The following ZC3H12D variants were observed in gnomAD, a reference collection of about 807,000 sequenced individuals.
ZC3H12D encodes the protein probable ribonuclease ZC3H12D.
ZC3H12D carries 11 observed loss-of-function variants against 24.2 expected under a neutral mutation model. That is an observed-to-expected ratio of 0.46 (90% CI 0.29 to 0.75). The LOEUF (loss-of-function observed/expected upper bound fraction) is 0.75, where lower values mean the gene tolerates loss of function less well. ZC3H12D is among the 30% of genes least tolerant of loss of function. The probability of loss-of-function intolerance (pLI) is 0.11; values close to 1 mark genes in which losing one functional copy is unlikely to be tolerated. For synonymous variants in ZC3H12D, 333 were observed against 341.8 expected (o/e 0.97, Z 0.28); for missense variants, 740 against 767.7 (o/e 0.96, Z 0.43).
intron 1 of ZC3H12D, among the ~76,000 whole-genome samples, chr6:149,481,654 C>T (rs930422366): frequency 3.3e-5 from 5 of 149,648 alleles, no homozygotes; most frequent in Admixed American, 6.6e-5. Context: ...GGATTACAGA[C>T]GTGAGCCATG....
In ZC3H12D at chr6:149,449,102, C is replaced by G. The variant is rs1331192116; in HGVS notation, c.*1581G>C. ...GCCCCTGAGGATTCGGGGGTCGGCA[C>G]TCTGGCAGCACCATCTCACTTCTTA... is the stretch of plus-strand genomic sequence containing the variant. On this transcript the variant is annotated 3_prime_UTR_variant, in exon 6 of 6. Coordinates refer to ENST00000409806, the MANE Select transcript of ZC3H12D (RefSeq NM_207360.3). 6.6e-6 allele frequency: 1 copy of G among 152,230 alleles called. No homozygotes were observed. Among genetic ancestry groups the G allele is most frequent in the African/African-American group, 2.4e-5 (1 of 41,456 alleles). The allele number at this position is 152,230 out of a possible 1,614,324, so 9.4% of individuals were successfully genotyped here.
chr6:149,483,500 A>T (rs924480445), intron 1 of ZC3H12D, among the ~76,000 whole-genome samples: 3 of 152,130 alleles, frequency 2.0e-5, no homozygotes, highest in Non-Finnish European at 2.9e-5. Flanking sequence ...CCATTTCCCC[A>T]GTCCCTGGCA....
intron 2 of ZC3H12D, among the ~76,000 whole-genome samples, chr6:149,465,005 C>T (rs917571724): frequency 6.6e-6 from 1 of 152,196 alleles, no homozygotes; most frequent in African/African-American, 2.4e-5. Flanking sequence ...GCTGTGCTCT[C>T]TCTCGTATGT....
At chr6:149,482,340 C>T (rs1010028069) in intron 1 of ZC3H12D, among the ~76,000 whole-genome samples, 2 of 152,260 alleles carry the variant, frequency 1.3e-5, no homozygotes, top group Non-Finnish European at 2.9e-5. Flanking sequence ...CTCTGCCAGC[C>T]GCGTCTCGTT....
rs1306672631 is a variant in ZC3H12D at position 149,456,782 on chromosome 6, G to A, written c.564C>T (p.Tyr188=). ...YDDRYIVKVA[Y]EQDGVIVSND... Reference sequence around the variant, plus strand: ...TGGAGACGATGACGCCGTCCTGCTCGTAGGCCACCTTCACGATGTAGCGGT... The same window carrying A: ...TGGAGACGATGACGCCGTCCTGCTCATAGGCCACCTTCACGATGTAGCGGT... The change falls in exon 4 of 6, where the codon TAC becomes TAT. Residue 188 remains tyrosine (Y), a synonymous_variant. Transcript: ENST00000409806. This position sits in a 1 kb window ranked among gnomAD's most constrained non-coding sequence, Gnocchi z 4.3. 1.9e-6 allele frequency: 3 copies of A among 1,613,686 alleles called. No homozygotes were observed. The highest frequency in any genetic ancestry group is 1.7e-5 in the Admixed American group (1 of 60,028).
intron 2 of ZC3H12D, among the ~76,000 whole-genome samples, chr6:149,463,515 C>A (rs187310385): frequency 6.6e-6 from 1 of 152,152 alleles, no homozygotes; most frequent in Non-Finnish European, 1.5e-5. Context: ...TCAAGACCAT[C>A]CTGGCCAACA....
At chr6:149,457,822 C>G (rs1776008215) in intron 3 of ZC3H12D, among the ~76,000 whole-genome samples, 2 of 152,142 alleles carry the variant, frequency 1.3e-5, no homozygotes, top group African/African-American at 4.8e-5. Context: ...ACTCAGGTCC[C>G]TCAAGTTTAA....
chr6:149,476,943 T>C (rs751627948), intron 1 of ZC3H12D, among the ~76,000 whole-genome samples: 7 of 152,244 alleles, frequency 4.6e-5, no homozygotes, highest in Admixed American at 1.3e-4. Flanking sequence ...CATGTGTTGA[T>C]TGGTGAATGA....
At chr6:149,471,903 T>TGCA (rs1249995621) in intron 2 of ZC3H12D, among the ~76,000 whole-genome samples, 2 of 152,194 alleles carry the variant, frequency 1.3e-5, no homozygotes, top group Non-Finnish European at 2.9e-5. Flanking sequence ...GGCCAGACAG[T>TGCA]GCATGAAGCA....
rs1775890437 is a variant in ZC3H12D, at chr6:149,451,307, C to T, written c.960G>A (p.Ala320=). ...TGTGCGCAAATGGTTCCCGGGGGGC[C>T]GCCCGGGCTCCTGCGGAGCCGCCCG... is the stretch of plus-strand genomic sequence containing the variant. The part of the protein sequence containing the change: ...RAPGGSAGAR[A]APREPFAHSL... The change falls in exon 6 of 6, where the codon GCG becomes GCA. Residue 320 remains alanine, a synonymous_variant. Transcript: ENST00000409806. The T allele has an allele frequency of 3.0e-6, 4 of 1,327,176 alleles. No individual in the cohort carries two copies. Among genetic ancestry groups the T allele is most frequent in the Non-Finnish European group, 3.8e-6 (4 of 1,048,464 alleles). The allele number at this position is 1,327,176 out of a possible 1,614,324, so 82.2% of individuals were successfully genotyped here. A position where few individuals can be genotyped will look rare whatever the true frequency, so the allele number is the denominator to read the frequency against.
rs760405695 is a variant in ZC3H12D at position 149,448,307 on chromosome 6, A to T, written c.*2376T>A. On this transcript the variant is annotated 3_prime_UTR_variant, in exon 6 of 6. Coordinates refer to ENST00000409806, the MANE Select transcript of ZC3H12D (RefSeq NM_207360.3). ...ACTCCGTTTCAAAAATAATAATAAT[A>T]AAAATTAAAATAAAAAAAATAAAGG... is the stretch of plus-strand genomic sequence containing the variant. The T allele has an allele frequency of 6.6e-6, 1 of 150,960 alleles. No individual in the cohort carries two copies. The highest frequency in any genetic ancestry group is 2.1e-4 in the South Asian group (1 of 4,772). The allele number at this position is 150,960 out of a possible 1,614,324, so 9.4% of individuals were successfully genotyped here. A position where few individuals can be genotyped will look rare whatever the true frequency, so the allele number is the denominator to read the frequency against.
chr6:149,474,419 C>T lies in ZC3H12D; in HGVS notation c.125G>A (p.Arg42His), dbSNP rs748158176. The T allele has an allele frequency of 7.5e-6, 12 of 1,607,774 alleles. No individual in the cohort carries two copies. Among genetic ancestry groups the T allele is most frequent in the African/African-American group, 2.7e-5 (2 of 74,802 alleles). Residue 42 changes from arginine (R) to histidine (H), a missense_variant, in exon 2 of 6, where the codon CGC (arginine) becomes CAC (histidine). Arg to His is a conservative substitution (Grantham distance 29). Coordinates refer to ENST00000409806, the MANE Select transcript of ZC3H12D (RefSeq NM_207360.3). ...LVNDVLQELI[R>H]TGSRPGALEH... ...CAGGGCACCCGGGCGGCTGCCCGTG[C>T]GGATAAGCTCCTGCAGCACGTCGTT...
In ZC3H12D at chr6:149,459,505, G is replaced by C. The variant is rs1583186089; in HGVS notation, c.445+2326C>G. On this transcript the variant is annotated intron_variant, in intron 3 of 5. Transcript: ENST00000409806. ...TGGAGGGAACCACAGCCCAGAATAT[G>C]CGCAGAAGGCTGGAGTGGAGGTGGG... 5 of 701,016 alleles carry C rather than the reference G, an allele frequency of 7.1e-6. No homozygotes were observed. In the East Asian group the frequency reaches 1.3e-4, roughly 19 times the overall value. The allele number at this position is 701,016 out of a possible 1,614,324, so 43.4% of individuals were successfully genotyped here.
At chr6:149,455,574 G>A (rs1437814315) in intron 4 of ZC3H12D, among the ~76,000 whole-genome samples, 1 of 145,644 alleles carries the variant, frequency 6.9e-6, no homozygotes, top group East Asian at 2.0e-4. Flanking sequence ...TTAGCTGAGT[G>A]GTTTGTGCCT....
At chr6:149,476,891 C>T (rs552868552) in intron 1 of ZC3H12D, among the ~76,000 whole-genome samples, 18 of 152,338 alleles carry the variant, frequency 1.2e-4, no homozygotes, top group Middle Eastern at 3.4e-3. Context: ...ACTGTATCCC[C>T]AGCACTTAGG....
intron 1 of ZC3H12D, among the ~76,000 whole-genome samples, chr6:149,482,309 G>A (rs550493138): frequency 7.2e-5 from 11 of 152,376 alleles, no homozygotes; most frequent in South Asian, 4.1e-4. Flanking sequence ...CCCCCGGGAC[G>A]TGATGGTCTC....
At chr6:149,455,817 G>A (rs1037294663) in intron 4 of ZC3H12D, among the ~76,000 whole-genome samples, 2 of 151,898 alleles carry the variant, frequency 1.3e-5, no homozygotes, top group Non-Finnish European at 2.9e-5. Context: ...CAGGAGGATC[G>A]CTTGAGCCCA....
chr6:149,453,024 T>C (rs898131546), intron 4 of ZC3H12D, among the ~76,000 whole-genome samples: 3 of 150,578 alleles, frequency 2.0e-5, no homozygotes, highest in Non-Finnish European at 4.4e-5. Flanking sequence ...GTGGTTCACA[T>C]GGGTAATCCC....
At chr6:149,460,905 A>G (rs1208691777) in intron 3 of ZC3H12D, among the ~76,000 whole-genome samples, 1 of 152,032 alleles carries the variant, frequency 6.6e-6, no homozygotes, top group African/African-American at 2.4e-5. Flanking sequence ...TGAAGAAGCT[A>G]AGGTAGGAGG....
Sources: gnomAD v4.1 joint callset for allele counts (sites outside exome capture counted in the v4.1 genomes callset) on GRCh38, gnomAD v4.1.1 for gene constraint, Gnocchi (gnomAD v3.1) non-coding constraint, MANE v1.5 for transcripts, NCBI Gene and HGNC (gene_info 2026-07-23, HGNC 2026-07-21) for gene names.